Variants in ZFHX3 observed in about 807,000 individuals in gnomAD.
The protein encoded by ZFHX3 is zinc finger homeobox 3, also known as zinc finger homeobox protein 3.
Under a neutral mutation model 279.1 loss-of-function variants are expected in ZFHX3, and 42 were observed. That is an observed-to-expected ratio of 0.15 (90% CI 0.12 to 0.19). The LOEUF (loss-of-function observed/expected upper bound fraction) is 0.19. Among genes scored for constraint, ZFHX3 ranks in the 10% least tolerant of loss-of-function variants. The probability of loss-of-function intolerance (pLI) is 1.00; values close to 1 mark genes in which losing one functional copy is unlikely to be tolerated. For missense variants in ZFHX3, 4,981 were observed against 4,754.0 expected (o/e 1.05, Z -1.40); for synonymous variants, 2,293 against 1,957.8 (o/e 1.17, Z -4.52).
chr16:72,998,370 C>T (rs1030114590), intron 1 of ZFHX3, among the ~76,000 whole-genome samples: 12 of 152,160 alleles, frequency 7.9e-5, no homozygotes, highest in Admixed American at 7.9e-4. Flanking sequence ...CACCACACTC[C>T]AGCCTGGGCA....
At chr16:72,982,065 TAG>T (rs1205115339) in intron 1 of ZFHX3, among the ~76,000 whole-genome samples, 1 of 151,908 alleles carries the variant, frequency 6.6e-6, no homozygotes, top group African/African-American at 2.4e-5. Flanking sequence ...GTATTTTTAG[TAG>T]AGACAGGGTT....
rs114449287 is a variant in ZFHX3, at chr16:73,001,830, G to A, written c.-49-41636C>T. On this transcript the variant is annotated intron_variant, in intron 1 of 9. Coordinates refer to ENST00000268489, the MANE Select transcript of ZFHX3 (RefSeq NM_006885.4). ...CAGTGAGACCCTTCAAAAAAAAAAG[G>A]GGGGGAAAGAAAAGAAAATATATAA... Among the ~76,000 whole-genome samples the A allele has an allele frequency of 3.3e-3, 498 of 152,010 alleles. 5 individuals carry two copies. The highest frequency in any genetic ancestry group is 0.012 in the African/African-American group (483 of 41,482).
At chr16:73,334,807 A>ATTTTTTTTTTTTTT (rs1224756669) in intron 3 of ZFHX3, among the ~76,000 whole-genome samples, 8 of 28,484 alleles carry the variant, frequency 2.8e-4, no homozygotes, top group Non-Finnish European at 4.5e-4. Flanking sequence ...TTTCTTTCTC[A>ATTTTTTTTTTTTTT]TTCTTTTTTT....
chr16:73,334,928 G>T (rs1397724737), intron 3 of ZFHX3, among the ~76,000 whole-genome samples: 1 of 141,680 alleles, frequency 7.1e-6, no homozygotes, highest in Non-Finnish European at 1.5e-5. Context: ...GAGTTTGCCT[G>T]CTTTGCACAA....
chr16:73,781,560 G>A (rs1959473523), intron 1 of ZFHX3, among the ~76,000 whole-genome samples: 1 of 152,224 alleles, frequency 6.6e-6, no homozygotes, highest in South Asian at 2.1e-4. Flanking sequence ...AACACAGACT[G>A]TGTGGCCTCC....
chr16:73,801,643 C>G (rs328396), intron 1 of ZFHX3, among the ~76,000 whole-genome samples: 8,314 of 152,254 alleles, frequency 0.055, 707 homozygotes, highest in African/African-American at 0.18. Flanking sequence ...GTGCAGAAGT[C>G]CAGACCCTCT....
intron 2 of ZFHX3, among the ~76,000 whole-genome samples, chr16:73,579,506 CTT>C (rs1221002384): frequency 4.1e-5 from 6 of 144,916 alleles, no homozygotes; most frequent in Admixed American, 6.9e-5. Flanking sequence ...TTATTATAAT[CTT>C]TTTTTTTTTT....
At chr16:73,580,368 C>T (rs1299694315) in intron 2 of ZFHX3, among the ~76,000 whole-genome samples, 2 of 151,968 alleles carry the variant, frequency 1.3e-5, no homozygotes, top group Non-Finnish European at 2.9e-5. Context: ...GTCCCAACTG[C>T]TCGGGAGGCT....
chr16:73,008,721 C>A (rs1174539865), intron 1 of ZFHX3, among the ~76,000 whole-genome samples: 1 of 152,154 alleles, frequency 6.6e-6, no homozygotes, highest in East Asian at 1.9e-4. Flanking sequence ...GATACACCAT[C>A]TAAGTATATA....
chr16:73,860,058 A>G (rs1360535246), intron 1 of ZFHX3, among the ~76,000 whole-genome samples: 1 of 152,226 alleles, frequency 6.6e-6, no homozygotes, highest in Non-Finnish European at 1.5e-5. Flanking sequence ...TTGTTTAAAG[A>G]TACTGCCTTG....
chr16:73,598,498 G>GC (rs2052076613), intron 2 of ZFHX3, among the ~76,000 whole-genome samples: 1 of 145,774 alleles, frequency 6.9e-6, no homozygotes, highest in South Asian at 2.2e-4. Context: ...ACTCACTACA[G>GC]CCTCAAACTC....
intron 8 of ZFHX3, chr16:73,083,391 C>T (rs1246043347): frequency 1.3e-5 from 2 of 152,198 alleles, no homozygotes; most frequent in African/African-American, 4.8e-5. Context: ...TTATGGTTCC[C>T]TTCTGTATCA....
chr16:73,031,094 C>T (rs1022825300), intron 1 of ZFHX3, among the ~76,000 whole-genome samples: 11 of 152,218 alleles, frequency 7.2e-5, no homozygotes, highest in African/African-American at 2.7e-4. Flanking sequence ...ATATTTATCT[C>T]AGCATCCCAA....
rs758275458 is a variant in ZFHX3 at position 72,795,824 on chromosome 16, T to C, written c.6858A>G (p.Ile2286Met). The change falls in exon 9 of 10, where the codon ATA becomes ATG. Residue 2286 changes from isoleucine (I) to methionine (M), a missense_variant. By Grantham distance (10) the Ile-to-Met change is conservative. This residue lies in a region of ZFHX3 where 177 missense variants were observed against 244.2 expected (regional missense o/e 0.72). Coordinates refer to ENST00000268489, the MANE Select transcript of ZFHX3 (RefSeq NM_006885.4). Reference sequence around the variant, plus strand: ...GTCGGGCATTCTGAAACCACACCACTATCACTCGGGTTGGAAGGTTCAGTA... The same window carrying C: ...GTCGGGCATTCTGAAACCACACCACCATCACTCGGGTTGGAAGGTTCAGTA... The part of the protein sequence containing the change: ...SNLLNLPTRV[I>M]VVWFQNARQK... 1 of 1,614,186 alleles carries C rather than the reference T, an allele frequency of 6.2e-7. No homozygotes were observed. The highest frequency in any genetic ancestry group is 1.7e-5 in the Admixed American group (1 of 60,028).
At chr16:73,038,234 C>G (rs577007931) in intron 1 of ZFHX3, among the ~76,000 whole-genome samples, 3 of 152,320 alleles carry the variant, frequency 2.0e-5, no homozygotes, top group South Asian at 2.1e-4. Flanking sequence ...CCCCACCCCC[C>G]CAACTATCCA....
chr16:73,368,117 C>T (rs572685740), intron 3 of ZFHX3, among the ~76,000 whole-genome samples: 9 of 152,144 alleles, frequency 5.9e-5, no homozygotes, highest in African/African-American at 1.4e-4. Flanking sequence ...GTGATCCACC[C>T]GCCTTGGCCT....
At chr16:72,817,402 G>C (rs569269937) in intron 5 of ZFHX3, among the ~76,000 whole-genome samples, 1 of 152,318 alleles carries the variant, frequency 6.6e-6, no homozygotes, top group South Asian at 2.1e-4. Context: ...GTAAGGCGTG[G>C]AGTTGCTGCT....
At position 72,794,840 on chromosome 16, in the gene ZFHX3, G is replaced by T. The variant is rs1312492589; in HGVS notation, c.7842C>A (p.Leu2614=). ...TGGCCTTTTCCTCCAGCTTCCTCTTGAGAGTGTTCATTGTGGAGGTTGGAG... is the reference window on the plus strand; with the variant it reads ...TGGCCTTTTCCTCCAGCTTCCTCTTTAGAGTGTTCATTGTGGAGGTTGGAG... ...PSTPTSTMNT[L]KRKLEEKASA... The change falls in exon 9 of 10, where the codon CTC becomes CTA. Residue 2614 remains leucine (L), a synonymous_variant. Transcript: ENST00000268489. This position sits in a 1 kb window ranked among gnomAD's most constrained non-coding sequence, Gnocchi z 4.2. 2.5e-6 allele frequency: 4 copies of T among 1,613,918 alleles called. No homozygotes were observed. The highest frequency in any genetic ancestry group is 1.3e-5 in the African/African-American group (1 of 74,908).
At position 73,433,838 on chromosome 16, in the gene ZFHX3, C is replaced by T. The variant is rs536721878; in HGVS notation, c.-1291+22165G>A. Among the ~76,000 whole-genome samples, 12 of 152,272 alleles carry T rather than the reference C, an allele frequency of 7.9e-5. No homozygotes were observed. The South Asian group carries it at 1.2e-3, about 16-fold the overall frequency. ...ACTGGGTGAGCCGTGGCTTCCCGGC[C>T]GCCTGGGTGACTCCCAGGGCAGTGG... On this transcript the variant is annotated intron_variant, in intron 3 of 17. Transcript: ENST00000641206.
Sources: allele counts gnomAD v4.1 joint callset (sites outside exome capture counted in the v4.1 genomes callset), GRCh38; gene constraint gnomAD v4.1.1; regional missense constraint gnomAD v4.1.1; non-coding constraint Gnocchi (gnomAD v3.1); transcripts MANE v1.5; gene names NCBI Gene and HGNC (gene_info 2026-07-23, HGNC 2026-07-21).